Variants in ACAD11 observed in about 807,000 individuals in gnomAD.
The protein encoded by ACAD11 is acyl-Coenzyme A dehydrogenase family, member 11.
A neutral mutation model predicts 102.2 loss-of-function variants in ACAD11; 83 were observed. That is an observed-to-expected ratio of 0.81 (90% CI 0.68 to 0.97). The LOEUF is 0.97. Ranked by LOEUF, ACAD11 falls within the 50% of genes least tolerant of loss-of-function variation. ACAD11 has a pLI of 0.00. For missense variants in ACAD11, 901 were observed against 951.7 expected, an observed-to-expected ratio of 0.95 and a Z score of 0.70; for synonymous variants, 324 against 319.8, an observed-to-expected ratio of 1.01 and a Z score of -0.14.
chr3:132,613,765 G>A (rs1348993915), intron 11 of ACAD11, among the ~76,000 whole-genome samples: 1 of 152,026 alleles, frequency 6.6e-6, no homozygotes, highest in Non-Finnish European at 1.5e-5. Flanking sequence ...CGGGCATGGT[G>A]GCAGGCTCCT....
chr3:132,592,242 C>A (rs1938111819), intron 13 of ACAD11, among the ~76,000 whole-genome samples: 1 of 152,060 alleles, frequency 6.6e-6, no homozygotes, highest in Non-Finnish European at 1.5e-5. Flanking sequence ...GTTGAAACAA[C>A]CTTCTTTTAT....
At chr3:132,618,589 G>T in intron 11 of ACAD11, 45 bp downstream of exon 11, 1 of 1,480,006 alleles carries the variant, frequency 6.8e-7, no homozygotes. Context: ...TTTAAACACT[G>T]ATCAAAATAT....
intron 4 of ACAD11, among the ~76,000 whole-genome samples, chr3:132,641,638 A>AGAGGAGGAAGAG: frequency 8.2e-6 from 1 of 122,472 alleles, no homozygotes. Context: ...AGGAGGAAGA[A>AGAGGAGGAAGAG]GAGGAAGAAG....
chr3:132,580,400 A>G (rs1194055029), intron 13 of ACAD11, among the ~76,000 whole-genome samples: 3 of 152,090 alleles, frequency 2.0e-5, no homozygotes, highest in Admixed American at 1.3e-4. Flanking sequence ...TGGGAAATCT[A>G]TAAGACAACT....
At chr3:132,630,984 T>TC (rs149406042) in intron 6 of ACAD11, among the ~76,000 whole-genome samples, 14,035 of 152,164 alleles carry the variant, frequency 0.092, 809 homozygotes, top group Middle Eastern at 0.14. Flanking sequence ...AGTGGGAGAA[T>TC]CACTTGAGCC....
At chr3:132,603,043 TCCACCTGCCTCAG>T (rs1938683497) in intron 13 of ACAD11, among the ~76,000 whole-genome samples, 173 bp downstream of exon 13, 1 of 152,124 alleles carries the variant, frequency 6.6e-6, no homozygotes, top group Non-Finnish European at 1.5e-5. Flanking sequence ...CCTCAGGTGA[TCCACCTGCCTCAG>T]CCTCCCAAAG....
chr3:132,653,067 A>G (rs1937614758), intron 1 of ACAD11, among the ~76,000 whole-genome samples: 1 of 152,220 alleles, frequency 6.6e-6, no homozygotes, highest in Non-Finnish European at 1.5e-5. Context: ...AACACTAGAA[A>G]GGGATCCAAG....
chr3:132,644,740 G>A, intron 2 of ACAD11, 57 bp downstream of exon 2: 1 of 1,045,400 alleles, frequency 9.6e-7, no homozygotes, highest in Non-Finnish European at 1.4e-6. Flanking sequence ...GGCTTTGTGT[G>A]TATTAAAAGC....
At position 132,575,597 on chromosome 3, in the gene ACAD11, C is replaced by T. The variant is rs192156307; in HGVS notation, c.2001+175G>A. On this transcript the variant is annotated intron_variant, in intron 17 of 19. Transcript: ENST00000264990. ...GCATTTTAGGAACTATTTAATTTTT[C>T]ATAAAGATAAATACCTCTCATTAGA... Among the ~76,000 whole-genome samples the T allele has an allele frequency of 2.0e-3, 307 of 152,208 alleles. 2 individuals carry two copies. The highest frequency in any genetic ancestry group is 7.1e-3 in the African/African-American group (294 of 41,524).
At chr3:132,641,605 G>GAA (rs1559973802) in intron 4 of ACAD11, among the ~76,000 whole-genome samples, 20 of 115,232 alleles carry the variant, frequency 1.7e-4, no homozygotes, top group Non-Finnish European at 2.5e-4. Flanking sequence ...AAGAAGAAGA[G>GAA]GAGGAAGAAG....
At chr3:132,602,742 C>G (rs958668517) in intron 13 of ACAD11, among the ~76,000 whole-genome samples, 4 of 152,110 alleles carry the variant, frequency 2.6e-5, no homozygotes, top group South Asian at 4.1e-4. Flanking sequence ...TTTAAAATTA[C>G]TTTTTCTTTC....
intron 5 of ACAD11, among the ~76,000 whole-genome samples, chr3:132,634,912 G>T (rs1425679362): frequency 1.4e-5 from 2 of 143,032 alleles, no homozygotes; most frequent in Non-Finnish European, 3.1e-5. Flanking sequence ...TTGTGGGGTG[G>T]GGGGGTGGGG....
Position 132,578,826 on chromosome 3 carries a change from T to C in ACAD11, c.1744A>G (p.Ile582Val). The C allele has an allele frequency of 6.2e-7, 1 of 1,613,226 alleles. No individual in the cohort carries two copies. The highest frequency in any genetic ancestry group is 8.5e-7 in the Non-Finnish European group (1 of 1,179,550). ...VPMNTPGVKI[I>V]RPLSVFGYTD... ...TAGCCAAAAACTGACAAAGGCCTTA[T>C]TATTTTTACTCCAGGTGTGTTCATG... Residue 582 changes from isoleucine (I) to valine (V), a missense_variant, in exon 15 of 20, where the codon ATA (isoleucine) becomes GTA (valine). Coordinates refer to ENST00000264990, the MANE Select transcript of ACAD11 (RefSeq NM_032169.5).
intron 12 of ACAD11, among the ~76,000 whole-genome samples, chr3:132,603,977 AT>A (rs1035808921): frequency 3.3e-5 from 5 of 151,736 alleles, no homozygotes; most frequent in Admixed American, 6.6e-5. Context: ...CTTAAGACTT[AT>A]TTTTTTTCTT....
rs554634081 is a variant in ACAD11 at position 132,591,866 on chromosome 3, T to G, written c.1621+11363A>C. ...GTGATCATGCCACTGCATTCTAGCCTAGGCAATAGAGTGAGATTTTGTCTC... is the reference window on the plus strand; with the variant it reads ...GTGATCATGCCACTGCATTCTAGCCGAGGCAATAGAGTGAGATTTTGTCTC... On this transcript the variant is annotated intron_variant, in intron 13 of 19. Transcript: ENST00000264990. 9.2e-5 allele frequency among the ~76,000 whole-genome samples: 14 copies of G among 152,256 alleles called. No homozygotes were observed. In the South Asian group the frequency reaches 1.7e-3, roughly 18 times the overall value.
At chr3:132,652,165 T>C (rs956511000) in intron 1 of ACAD11, among the ~76,000 whole-genome samples, 10 of 152,170 alleles carry the variant, frequency 6.6e-5, no homozygotes, top group Non-Finnish European at 1.2e-4. Flanking sequence ...AATTGAATAA[T>C]GGCAGTGGGT....
rs554122421 is a variant in ACAD11 at position 132,652,332 on chromosome 3, A to G, written c.149+7271T>C. 2.0e-5 allele frequency among the ~76,000 whole-genome samples: 3 copies of G among 152,312 alleles called. No individual in the cohort carries two copies. In the East Asian group the frequency reaches 5.8e-4, roughly 29 times the overall value. On this transcript the variant is annotated intron_variant, in intron 1 of 19. Transcript: ENST00000264990. ...TCTGCCATGATTGTGAGGACTCCCCAGCCATGTGGAACTGTGAGTCCATTA... is the reference window on the plus strand; with the variant it reads ...TCTGCCATGATTGTGAGGACTCCCCGGCCATGTGGAACTGTGAGTCCATTA...
At chr3:132,652,080 C>T in intron 1 of ACAD11, among the ~76,000 whole-genome samples, 1 of 152,138 alleles carries the variant, frequency 6.6e-6, no homozygotes, top group Admixed American at 6.5e-5. Context: ...TGTGTCCCCA[C>T]CCAAATCTTA....
intron 17 of ACAD11, among the ~76,000 whole-genome samples, chr3:132,572,563 C>T (rs1937410335): frequency 6.6e-6 from 1 of 152,082 alleles, no homozygotes; most frequent in South Asian, 2.1e-4. Context: ...TATATGGAAC[C>T]AAGAAAGAGC....
Sources: allele counts gnomAD v4.1 joint callset (sites outside exome capture counted in the v4.1 genomes callset), GRCh38; gene constraint gnomAD v4.1.1; transcripts MANE v1.5; gene names NCBI Gene and HGNC (gene_info 2026-07-23, HGNC 2026-07-21).